AFDN: variants seen among roughly 807,000 people sequenced by gnomAD.
AFDN encodes the protein afadin, adherens junction formation factor.
AFDN carries 68 observed loss-of-function variants against 216.6 expected under a neutral mutation model. That is an observed-to-expected ratio of 0.31 (90% CI 0.26 to 0.38). The LOEUF (loss-of-function observed/expected upper bound fraction) is 0.38, where lower values mean the gene tolerates loss of function less well. Ranked by LOEUF, AFDN falls within the 10% of genes least tolerant of loss-of-function variation. The probability of loss-of-function intolerance (pLI) is 1.00; values close to 1 mark genes in which losing one functional copy is unlikely to be tolerated. For missense variants in AFDN, 2,136 were observed against 2,342.0 expected, an observed-to-expected ratio of 0.91 and a Z score of 1.82; for synonymous variants, 868 against 853.7, an observed-to-expected ratio of 1.02 and a Z score of -0.29.
At chr6:167,947,783 G>A (rs972065757) in intron 27 of AFDN, 70 bp from the exon 28 acceptor site, 4 of 1,007,650 alleles carry the variant, frequency 4.0e-6, no homozygotes, top group Non-Finnish European at 4.5e-6. Context: ...GGTCTTTAAG[G>A]AAATTTCATG....
Position 167,827,215 on chromosome 6 carries a change from T to C in AFDN, c.83T>C (p.Phe28Ser). The C allele has an allele frequency of 8.0e-7, 1 of 1,249,346 alleles. No homozygotes were observed. Among genetic ancestry groups the C allele is most frequent in the Non-Finnish European group, 1.0e-6 (1 of 964,598 alleles). 77.4% of individuals were successfully genotyped at this position (1,249,346 alleles called of 1,614,324 possible). A position where few individuals can be genotyped will look rare whatever the true frequency, so the allele number is the denominator to read the frequency against. ...HHWNANRLDL[F>S]EISQPTEDLE... ...TGGAACGCCAACCGGCTGGACCTGT[T>C]CGAGATCAGCCAGCCGACCGAGGTG... Residue 28 changes from phenylalanine (F) to serine (S), a missense_variant, in exon 1 of 34, where the codon TTC (phenylalanine) becomes TCC (serine). Coordinates refer to ENST00000683244, the MANE Select transcript of AFDN (RefSeq NM_001386888.1).
intron 1 of AFDN, among the ~76,000 whole-genome samples, chr6:167,844,727 T>C (rs1307007415): frequency 6.6e-5 from 10 of 152,224 alleles, no homozygotes; most frequent in African/African-American, 2.4e-4. Flanking sequence ...ACTATGACCC[T>C]TTACCTAACA....
chr6:167,843,415 A>G (rs762892134), intron 1 of AFDN, among the ~76,000 whole-genome samples: 4 of 152,224 alleles, frequency 2.6e-5, no homozygotes, highest in Non-Finnish European at 5.9e-5. Context: ...TTTTATTGCT[A>G]AGATTGATGA....
chr6:167,927,894 A>G (rs1562689965), intron 23 of AFDN, among the ~76,000 whole-genome samples: 2 of 152,308 alleles, frequency 1.3e-5, no homozygotes, highest in East Asian at 3.9e-4. Context: ...GACTGAGTCA[A>G]TGCCCATTTT....
chr6:167,877,156 A>C (rs1342307846), intron 5 of AFDN, among the ~76,000 whole-genome samples: 1 of 152,188 alleles, frequency 6.6e-6, no homozygotes, highest in East Asian at 1.9e-4. Context: ...AGGAACTGGC[A>C]ATAGACTGGA....
intron 2 of AFDN, 188 bp downstream of exon 2, chr6:167,864,934 T>A (rs1439287409): frequency 9.2e-6 from 7 of 764,094 alleles, no homozygotes; most frequent in Non-Finnish European, 1.4e-5. Flanking sequence ...TATAAATCCC[T>A]GGCACATATA....
Position 167,837,820 on chromosome 6 carries a change from T to C in AFDN, c.105+10583T>C, listed in dbSNP as rs563468516. ...GCACTATGTTTGTAAAATCCAAAAA[T>C]TTAAGGTCACTGCAATGAAACCAGT... On this transcript the variant is annotated intron_variant, in intron 1 of 33. Transcript: ENST00000683244. 2.0e-5 allele frequency among the ~76,000 whole-genome samples: 3 copies of C among 152,250 alleles called. No individual in the cohort carries two copies. The South Asian group carries it at 6.2e-4, about 32-fold the overall frequency.
At chr6:167,920,546 C>G (rs1791650886) in intron 21 of AFDN, among the ~76,000 whole-genome samples, 1 of 152,134 alleles carries the variant, frequency 6.6e-6, no homozygotes, top group Non-Finnish European at 1.5e-5. Flanking sequence ...AGTCTCCTCA[C>G]TCCACTTTTT....
At chr6:167,884,883 G>C (rs990701413) in intron 6 of AFDN, among the ~76,000 whole-genome samples, 16 of 152,168 alleles carry the variant, frequency 1.1e-4, no homozygotes, top group African/African-American at 3.4e-4. Flanking sequence ...AGTCCTAGAT[G>C]GCTGCTTTTT....
At position 167,951,267 on chromosome 6, in the gene AFDN, C is replaced by G; in HGVS notation, c.3913C>G (p.Arg1305Gly). The G allele has an allele frequency of 6.2e-7, 1 of 1,613,382 alleles. No individual in the cohort carries two copies. Among genetic ancestry groups the G allele is most frequent in the Non-Finnish European group, 8.5e-7 (1 of 1,179,760 alleles). Residue 1305 changes from arginine to glycine, a missense_variant, in exon 30 of 34, where the codon CGA becomes GGA. Physicochemically the swap from Arg to Gly is moderately radical, Grantham distance 125. Around this residue, in one of 8 missense-constraint regions of AFDN, gnomAD observed 981 missense variants for 966.0 expected, o/e 1.02. Coordinates refer to ENST00000683244, the MANE Select transcript of AFDN (RefSeq NM_001386888.1). The surrounding 1 kb of genome is among the most constrained non-coding windows in gnomAD (Gnocchi z 7.1). Reference protein sequence around the residue: ...ERHRIEAAMDRKSDSDMWINQ... With the variant: ...ERHRIEAAMDGKSDSDMWINQ... ...GCATCGAATAGAGGCAGCTATGGAC[C>G]GAAAGTCTGATAGTGATATGTGGAT...
rs1020200530 is a variant in AFDN at position 167,970,915 on chromosome 6, G to A, written c.*980G>A. ...TTTCATCTGTATGCCGTCAAGGAAGGAATTCAGTTACAGGGCATCTGTAAC... is the reference window on the plus strand; with the variant it reads ...TTTCATCTGTATGCCGTCAAGGAAGAAATTCAGTTACAGGGCATCTGTAAC... On this transcript the variant is annotated 3_prime_UTR_variant, in exon 34 of 34. Transcript: ENST00000683244. 18 of 212,790 alleles carry A rather than the reference G, an allele frequency of 8.5e-5. No individual in the cohort carries two copies. Among genetic ancestry groups the A allele is most frequent in the Admixed American group, 1.8e-4 (3 of 17,058 alleles). The allele number at this position is 212,790 out of a possible 1,614,324, so 13.2% of individuals were successfully genotyped here. A position where few individuals can be genotyped will look rare whatever the true frequency, so the allele number is the denominator to read the frequency against.
At chr6:167,869,551 T>A (rs576853475) in intron 2 of AFDN, among the ~76,000 whole-genome samples, 2 of 152,314 alleles carry the variant, frequency 1.3e-5, no homozygotes, top group African/African-American at 4.8e-5. Flanking sequence ...TGTGTGGGGC[T>A]TGCAGCGTCA....
chr6:167,870,441 A>G lies in AFDN; in HGVS notation c.357A>G (p.Lys119=), dbSNP rs199525238. 8 of 1,612,852 alleles carry G rather than the reference A, an allele frequency of 5.0e-6. No individual in the cohort carries two copies. In the African/African-American group the frequency reaches 6.7e-5, roughly 13 times the overall value. Residue 119 remains lysine, a synonymous_variant, in exon 3 of 34, where the codon AAA becomes AAG. Coordinates refer to ENST00000683244, the MANE Select transcript of AFDN (RefSeq NM_001386888.1). The part of the protein sequence containing the change: ...KPLVVQLNWN[K]DDREGRFVLK... ...TAGTTGTACAACTGAATTGGAACAA[A>G]GATGATCGGGAAGGCAGATTTGTTC...
intron 7 of AFDN, 28 bp downstream of exon 7, chr6:167,889,354 C>A: frequency 6.9e-7 from 1 of 1,454,588 alleles, no homozygotes; most frequent in Non-Finnish European, 9.7e-7. Context: ...GGATTACTTA[C>A]ACCAGATTCC....
chr6:167,846,762 G>A (rs1781738281), intron 1 of AFDN, among the ~76,000 whole-genome samples: 1 of 140,460 alleles, frequency 7.1e-6, no homozygotes, highest in African/African-American at 2.6e-5. Context: ...TATGAGATTT[G>A]GGGGAGGAGT....
chr6:167,836,437 T>G (rs1780443069), intron 1 of AFDN, among the ~76,000 whole-genome samples: 1 of 152,186 alleles, frequency 6.6e-6, no homozygotes, highest in Non-Finnish European at 1.5e-5. Flanking sequence ...GCTTATTTCC[T>G]GAGAAACAGA....
intron 5 of AFDN, among the ~76,000 whole-genome samples, chr6:167,875,799 G>A (rs921806928): frequency 7.2e-5 from 11 of 151,824 alleles, no homozygotes; most frequent in African/African-American, 2.7e-4. Flanking sequence ...GTATCACTGA[G>A]GTTTCTTCTG....
chr6:167,912,451 C>T (rs1040965677), intron 15 of AFDN, among the ~76,000 whole-genome samples: 10 of 152,118 alleles, frequency 6.6e-5, no homozygotes, highest in African/African-American at 2.4e-4. Flanking sequence ...TTTCAAAGGC[C>T]AGAATTTTTC....
At chr6:167,946,598 C>T in intron 26 of AFDN, 109 bp from the exon 27 acceptor site, 5 of 901,188 alleles carry the variant, frequency 5.5e-6, no homozygotes, top group Non-Finnish European at 8.3e-6. Context: ...GAAGAATTGA[C>T]CTTTATCACC....
Sources: allele counts gnomAD v4.1 joint callset (sites outside exome capture counted in the v4.1 genomes callset), GRCh38; gene constraint gnomAD v4.1.1; regional missense constraint gnomAD v4.1.1; non-coding constraint Gnocchi (gnomAD v3.1); transcripts MANE v1.5; gene names NCBI Gene and HGNC (gene_info 2026-07-23, HGNC 2026-07-21).